STK32B: variants seen among roughly 807,000 people sequenced by gnomAD.
The protein encoded by STK32B is serine/threonine-protein kinase 32B.
A neutral mutation model predicts 52.6 loss-of-function variants in STK32B; 43 were observed. The observed-to-expected ratio is 0.82, with a 90% CI of 0.64 to 1.05. STK32B has a LOEUF of 1.05. Among genes scored for constraint, STK32B ranks in the 50% least tolerant of loss-of-function variants. The pLI, the probability that STK32B is intolerant of heterozygous loss-of-function variation, is 0.00. For missense variants in STK32B, 621 were observed against 534.6 expected (o/e 1.16, Z -1.59); for synonymous variants, 238 against 204.3 (o/e 1.17, Z -1.41).
At chr4:5,329,606 C>G (rs9997000) in intron 3 of STK32B, among the ~76,000 whole-genome samples, 126 of 152,274 alleles carry the variant, frequency 8.3e-4, no homozygotes, top group African/African-American at 3.0e-3. Flanking sequence ...GACTGTCAGC[C>G]CAGCCCCTCC....
chr4:5,305,271 ATTC>A (rs145247961), intron 3 of STK32B, among the ~76,000 whole-genome samples: 17,910 of 151,958 alleles, frequency 0.12, 2,601 homozygotes, highest in African/African-American at 0.35. Flanking sequence ...ATTGGTCCCA[ATTC>A]TTCTTTGAAT....
intron 4 of STK32B, among the ~76,000 whole-genome samples, chr4:5,335,781 G>T (rs1326897814): frequency 6.6e-6 from 1 of 152,030 alleles, no homozygotes; most frequent in Non-Finnish European, 1.5e-5. Flanking sequence ...CCATGTAGTT[G>T]AGCAGTTTTG....
intron 4 of STK32B, among the ~76,000 whole-genome samples, chr4:5,350,303 T>C (rs1733744121): frequency 6.6e-6 from 1 of 152,122 alleles, no homozygotes; most frequent in Non-Finnish European, 1.5e-5. Context: ...TCAAGGATGC[T>C]ACACTCAAAG....
chr4:5,054,478 C>T (rs1055816496), intron 1 of STK32B, among the ~76,000 whole-genome samples: 18 of 140,624 alleles, frequency 1.3e-4, no homozygotes, highest in African/African-American at 4.1e-4. Context: ...AGAGTATGTG[C>T]AAAGGCAGAT....
At chr4:5,498,863 C>T in intron 11 of STK32B, 82 bp from the exon 12 acceptor site, 1 of 1,486,734 alleles carries the variant, frequency 6.7e-7, no homozygotes, top group Non-Finnish European at 9.0e-7. Flanking sequence ...TCCACAGTTG[C>T]CCTGCCTGCC....
chr4:5,044,907 T>A, the STK32B span, among the ~76,000 whole-genome samples: 5 of 152,056 alleles, frequency 3.3e-5, no homozygotes, highest in Non-Finnish European at 4.4e-5. Flanking sequence ...TGAGATCCTG[T>A]CTCAAAACAA....
At chr4:5,403,335 A>G (rs1737438038) in intron 5 of STK32B, among the ~76,000 whole-genome samples, 2 of 152,132 alleles carry the variant, frequency 1.3e-5, no homozygotes, top group Admixed American at 6.6e-5. Context: ...AGCACACTGA[A>G]ATTACTCAGA....
At chr4:5,233,004 C>T (rs2108808379) in intron 3 of STK32B, among the ~76,000 whole-genome samples, 1 of 152,324 alleles carries the variant, frequency 6.6e-6, no homozygotes, top group Non-Finnish European at 1.5e-5. Flanking sequence ...TTACTAGTCC[C>T]AGGTAATGCT....
the STK32B span, among the ~76,000 whole-genome samples, chr4:5,022,360 C>T: frequency 2.2e-4 from 34 of 152,320 alleles, no homozygotes; most frequent in East Asian, 7.7e-4. Flanking sequence ...AAGAAACCTA[C>T]GCAGGACAGC....
intron 4 of STK32B, among the ~76,000 whole-genome samples, chr4:5,331,601 A>G (rs745583310): frequency 3.9e-4 from 59 of 152,086 alleles, no homozygotes; most frequent in Non-Finnish European, 7.9e-4. Flanking sequence ...CCCGTACACT[A>G]CTGTTTAGAG....
chr4:5,133,351 C>T (rs1262098170), intron 1 of STK32B, among the ~76,000 whole-genome samples: 3 of 152,224 alleles, frequency 2.0e-5, no homozygotes, highest in East Asian at 3.9e-4. Context: ...ATGCCTGCCA[C>T]AGCTTGGTCA....
At chr4:5,030,164 GACTAATACAC>G in the STK32B span, among the ~76,000 whole-genome samples, 1 of 152,136 alleles carries the variant, frequency 6.6e-6, no homozygotes, top group African/African-American at 2.4e-5. Flanking sequence ...TGTGAAAATG[GACTAATACAC>G]ACAGCAACTC....
intron 1 of STK32B, among the ~76,000 whole-genome samples, chr4:5,080,364 A>G (rs2108774776): frequency 6.6e-6 from 1 of 152,154 alleles, no homozygotes; most frequent in Admixed American, 6.5e-5. Context: ...TTCTTTGAAC[A>G]CTCAGGCACT....
intron 3 of STK32B, among the ~76,000 whole-genome samples, chr4:5,317,453 ATATAATATATATG>A (rs1192417610): frequency 1.9e-5 from 2 of 103,624 alleles, no homozygotes; most frequent in Non-Finnish European, 3.4e-5. Context: ...TACATAATAT[ATATAATATATATG>A]TATAATATAT....
chr4:5,496,053 T>C (rs60931945), intron 11 of STK32B, among the ~76,000 whole-genome samples: 2,473 of 152,376 alleles, frequency 0.016, 74 homozygotes, highest in African/African-American at 0.056. Context: ...GGAGGCAGTC[T>C]GCCTGTTCTC....
intron 3 of STK32B, among the ~76,000 whole-genome samples, chr4:5,209,148 CAT>C (rs1442185489): frequency 1.3e-5 from 2 of 152,188 alleles, no homozygotes; most frequent in Admixed American, 6.5e-5. Flanking sequence ...TATGGACTAA[CAT>C]ATTAACAGTA....
intron 1 of STK32B, among the ~76,000 whole-genome samples, chr4:5,104,483 A>G (rs1198958651): frequency 6.6e-6 from 1 of 152,236 alleles, no homozygotes; most frequent in Non-Finnish European, 1.5e-5. Context: ...CTCTATTTCT[A>G]GTTTGTTAAG....
chr4:5,211,875 T>C (rs1462333452), intron 3 of STK32B, among the ~76,000 whole-genome samples: 4 of 152,240 alleles, frequency 2.6e-5, no homozygotes, highest in Admixed American at 2.6e-4. Context: ...TTGTTTTTAC[T>C]TCAGTAAATG....
At chr4:5,029,557 G>A in the STK32B span, among the ~76,000 whole-genome samples, 74 of 152,120 alleles carry the variant, frequency 4.9e-4, no homozygotes, top group Non-Finnish European at 2.5e-4. Context: ...AAGCAATGGG[G>A]CTCTGTTAAC....
Sources: allele counts gnomAD v4.1 joint callset (sites outside exome capture counted in the v4.1 genomes callset), GRCh38; gene constraint gnomAD v4.1.1; transcripts MANE v1.5; gene names NCBI Gene and HGNC (gene_info 2026-07-23, HGNC 2026-07-21).